MYRIP: variants seen among roughly 807,000 people sequenced by gnomAD.
MYRIP encodes the protein rab effector MyRIP.
MYRIP carries 49 observed loss-of-function variants against 98.0 expected under a neutral mutation model. That is an observed-to-expected ratio of 0.50 (90% CI 0.40 to 0.63). MYRIP has a LOEUF of 0.63. Among genes scored for constraint, MYRIP ranks in the 30% least tolerant of loss-of-function variants. MYRIP has a pLI of 0.00. For synonymous variants in MYRIP, 404 were observed against 409.5 expected (o/e 0.99, Z 0.16); for missense variants, 1,004 against 1,058.2 (o/e 0.95, Z 0.71).
chr3:40,123,774 T>C (rs1389194428), intron 3 of MYRIP, among the ~76,000 whole-genome samples: 13 of 152,186 alleles, frequency 8.5e-5, no homozygotes, highest in Admixed American at 8.5e-4. Flanking sequence ...AAGCAGCTCA[T>C]CCAAGGGGAA....
intron 2 of MYRIP, among the ~76,000 whole-genome samples, chr3:40,016,911 C>T (rs766622386): frequency 2.6e-5 from 4 of 152,192 alleles, no homozygotes; most frequent in Non-Finnish European, 5.9e-5. Flanking sequence ...CAGGTGTTAC[C>T]TTCTTCTCCA....
intron 7 of MYRIP, among the ~76,000 whole-genome samples, chr3:40,168,841 T>G (rs1559431702): frequency 1.3e-5 from 2 of 152,198 alleles, no homozygotes; most frequent in Non-Finnish European, 2.9e-5. Context: ...ACGTAGATTC[T>G]CCCTATACTG....
At chr3:40,200,454 T>C (rs933235803) in intron 10 of MYRIP, among the ~76,000 whole-genome samples, 1 of 152,120 alleles carries the variant, frequency 6.6e-6, no homozygotes, top group Non-Finnish European at 1.5e-5. Context: ...TTGGGGAGTA[T>C]TGGGAGCCTG....
At chr3:40,217,193 C>T (rs571278871) in intron 11 of MYRIP, among the ~76,000 whole-genome samples, 24 of 152,076 alleles carry the variant, frequency 1.6e-4, no homozygotes, top group Non-Finnish European at 3.4e-4. Flanking sequence ...GTGCTAATTA[C>T]CTTCATACTA....
chr3:40,020,491 C>T (rs778953759), intron 2 of MYRIP, among the ~76,000 whole-genome samples: 4 of 152,122 alleles, frequency 2.6e-5, no homozygotes, highest in Admixed American at 6.6e-5. Flanking sequence ...GCTTAAATTT[C>T]GAGTGAAGAT....
chr3:40,088,247 AT>A (rs903982794), intron 3 of MYRIP, among the ~76,000 whole-genome samples: 1 of 151,956 alleles, frequency 6.6e-6, no homozygotes. Flanking sequence ...AAACCTCAGA[AT>A]TTTTTTCTCA....
In MYRIP at chr3:39,896,489, G is replaced by A. The variant is rs115496782; in HGVS notation, c.-30-4298G>A. Reference sequence around the variant, plus strand: ...CACATCTCTCATTATTAGTGTTGTTGTTTTTGTCCTTTGCAGGCCAAGTTC... The same window carrying A: ...CACATCTCTCATTATTAGTGTTGTTATTTTTGTCCTTTGCAGGCCAAGTTC... On this transcript the variant is annotated intron_variant, in intron 1 of 16. Transcript: ENST00000302541. Among the ~76,000 whole-genome samples, 332 of 152,282 alleles carry A rather than the reference G, an allele frequency of 2.2e-3. 1 individual carries two copies. The highest frequency in any genetic ancestry group is 7.5e-3 in the African/African-American group (310 of 41,566).
At chr3:39,919,159 G>A (rs1440429369) in intron 2 of MYRIP, among the ~76,000 whole-genome samples, 2 of 152,216 alleles carry the variant, frequency 1.3e-5, no homozygotes, top group Non-Finnish European at 2.9e-5. Flanking sequence ...ACCTGGAGTA[G>A]GGGCTTCACC....
At chr3:39,994,615 G>A (rs896893266) in intron 2 of MYRIP, among the ~76,000 whole-genome samples, 7 of 152,234 alleles carry the variant, frequency 4.6e-5, no homozygotes, top group Admixed American at 3.3e-4. Flanking sequence ...TCTGGGGGCA[G>A]GGCATAGCCA....
intron 2 of MYRIP, among the ~76,000 whole-genome samples, chr3:39,970,643 A>G (rs1219537709): frequency 6.6e-6 from 1 of 152,154 alleles, no homozygotes; most frequent in African/African-American, 2.4e-5. Flanking sequence ...GGAGAATTTA[A>G]TGACAGAAAA....
intron 3 of MYRIP, among the ~76,000 whole-genome samples, chr3:40,130,379 C>CTTTT (rs1174112413): frequency 1.4e-5 from 2 of 139,260 alleles, no homozygotes; most frequent in East Asian, 2.1e-4. Context: ...GTCCAAATTT[C>CTTTT]TTTTTTTTTT....
intron 3 of MYRIP, among the ~76,000 whole-genome samples, chr3:40,098,740 T>TGTGTGTGTGTGTG (rs1553613661): frequency 6.7e-5 from 9 of 135,282 alleles, no homozygotes; most frequent in East Asian, 6.5e-4. Context: ...GTCTCTCTCA[T>TGTGTGTGTGTGTG]TGTGTGTGTG....
rs773923172 is a variant in MYRIP, at chr3:40,189,893, C to G, written c.1095C>G (p.Pro365=). The G allele has an allele frequency of 2.5e-6, 4 of 1,614,086 alleles. No individual in the cohort carries two copies. The highest frequency in any genetic ancestry group is 1.3e-5 in the African/African-American group (1 of 74,940). The change falls in exon 10 of 17, where the codon CCC becomes CCG. Residue 365 remains proline, a synonymous_variant. Transcript: ENST00000302541. ...CCCTGAAGGATGGCGCTCCACCCCC[C>G]ACCCGACTACTGGCCAAACCTAAGA... is the stretch of plus-strand genomic sequence containing the variant. ...WVALKDGAPP[P]TRLLAKPKSG...
intron 3 of MYRIP, among the ~76,000 whole-genome samples, chr3:40,127,340 G>C (rs1268829555): frequency 1.3e-5 from 2 of 152,158 alleles, no homozygotes; most frequent in Non-Finnish European, 2.9e-5. Flanking sequence ...AGAGAGGTTA[G>C]CGACTTGCTT....
intron 2 of MYRIP, among the ~76,000 whole-genome samples, chr3:39,987,730 G>A (rs538211374): frequency 3.9e-5 from 6 of 152,114 alleles, no homozygotes; most frequent in Non-Finnish European, 7.4e-5. Context: ...GCATTTCTTT[G>A]ATGATCAGTG....
intron 3 of MYRIP, among the ~76,000 whole-genome samples, chr3:40,100,401 A>AT (rs953023231): frequency 9.9e-5 from 15 of 152,142 alleles, no homozygotes; most frequent in African/African-American, 3.6e-4. Flanking sequence ...TATTTTGTAC[A>AT]TTTTTTAGCA....
At chr3:39,888,643 C>G (rs1046223192) in intron 1 of MYRIP, among the ~76,000 whole-genome samples, 2 of 152,108 alleles carry the variant, frequency 1.3e-5, no homozygotes, top group Non-Finnish European at 2.9e-5. Flanking sequence ...TCTAAAACAC[C>G]AAAAGCAATG....
At chr3:40,032,819 A>T (rs1199172790) in intron 2 of MYRIP, among the ~76,000 whole-genome samples, 2 of 152,188 alleles carry the variant, frequency 1.3e-5, no homozygotes, top group African/African-American at 2.4e-5. Context: ...AAAAATCCTC[A>T]ATAAAATACT....
At chr3:39,992,022 C>A (rs576106641) in intron 2 of MYRIP, among the ~76,000 whole-genome samples, 13 of 152,236 alleles carry the variant, frequency 8.5e-5, no homozygotes, top group Middle Eastern at 6.8e-3. Context: ...TGTAGAAGTG[C>A]AACTCTCTGA....
Sources: allele counts gnomAD v4.1 joint callset (sites outside exome capture counted in the v4.1 genomes callset), GRCh38; gene constraint gnomAD v4.1.1; transcripts MANE v1.5; gene names NCBI Gene and HGNC (gene_info 2026-07-23, HGNC 2026-07-21).